Variants in RIMS2 observed in about 807,000 individuals in gnomAD.
The protein encoded by RIMS2 is regulating synaptic membrane exocytosis protein 2.
In RIMS2, 59 loss-of-function variants were observed where a neutral mutation model predicts 174.4. That is an observed-to-expected ratio of 0.34 (90% CI 0.27 to 0.42). RIMS2 has a LOEUF of 0.42. RIMS2 is among the 10% of genes least tolerant of loss of function. RIMS2 has a pLI of 1.00. For synonymous variants in RIMS2, 606 were observed against 572.5 expected (o/e 1.06, Z -0.84); for missense variants, 1,620 against 1,666.3 (o/e 0.97, Z 0.48).
In RIMS2 at chr8:104,117,679, G is replaced by T. The variant is rs539167547; in HGVS notation, c.3334+103064G>T. 9.9e-5 allele frequency among the ~76,000 whole-genome samples: 15 copies of T among 152,240 alleles called. No homozygotes were observed. The South Asian group carries it at 3.1e-3, about 32-fold the overall frequency. ...TTAAAATTTTCCAGGGAATGTAATT[G>T]TGGGCAAAATAATCTTTACATTTTC... On this transcript the variant is annotated intron_variant, in intron 19 of 23. Transcript: ENST00000504942.
At chr8:104,186,405 A>C (rs1043638433) in intron 19 of RIMS2, among the ~76,000 whole-genome samples, 1 of 151,820 alleles carries the variant, frequency 6.6e-6, no homozygotes, top group Non-Finnish European at 1.5e-5. Flanking sequence ...GATGTAATAA[A>C]CATCTAAAGC....
At chr8:103,679,081 A>G (rs1176711053) in intron 1 of RIMS2, among the ~76,000 whole-genome samples, 2 of 152,078 alleles carry the variant, frequency 1.3e-5, no homozygotes, top group Non-Finnish European at 2.9e-5. Flanking sequence ...TCATTTTACA[A>G]ATGGTAAGTT....
At chr8:103,716,951 G>A (rs1202638679) in intron 2 of RIMS2, among the ~76,000 whole-genome samples, 1 of 151,928 alleles carries the variant, frequency 6.6e-6, no homozygotes, top group Non-Finnish European at 1.5e-5. Context: ...GCCCTTAGTG[G>A]TCTAATTTGA....
intron 20 of RIMS2, among the ~76,000 whole-genome samples, chr8:104,247,356 C>T (rs1026712772): frequency 6.6e-6 from 1 of 152,156 alleles, no homozygotes; most frequent in Admixed American, 6.5e-5. Flanking sequence ...CAGATGGCCA[C>T]CTTCTTGTGA....
intron 3 of RIMS2, among the ~76,000 whole-genome samples, chr8:103,810,059 C>T (rs965910731): frequency 1.3e-5 from 2 of 152,166 alleles, no homozygotes; most frequent in Non-Finnish European, 2.9e-5. Context: ...CTTATGTCCT[C>T]TTCTTGAATA....
intron 19 of RIMS2, among the ~76,000 whole-genome samples, chr8:104,095,518 A>G (rs930772142): frequency 2.0e-5 from 3 of 152,176 alleles, no homozygotes; most frequent in African/African-American, 7.2e-5. Context: ...TTTAATTTTC[A>G]TAGCACAAGT....
chr8:103,831,951 C>T (rs1311242598), intron 3 of RIMS2, among the ~76,000 whole-genome samples: 1 of 152,228 alleles, frequency 6.6e-6, no homozygotes, highest in Non-Finnish European at 1.5e-5. Flanking sequence ...CTGTTTTTGT[C>T]TCATGGGTCT....
chr8:103,578,247 C>T (rs544035900), intron 1 of RIMS2, among the ~76,000 whole-genome samples: 9 of 152,222 alleles, frequency 5.9e-5, no homozygotes, highest in East Asian at 3.9e-4. Flanking sequence ...ACTAACATAT[C>T]GGCCAGGCAT....
At chr8:104,127,751 A>C (rs193022263) in intron 19 of RIMS2, among the ~76,000 whole-genome samples, 44 of 152,376 alleles carry the variant, frequency 2.9e-4, no homozygotes, top group African/African-American at 1.0e-3. Flanking sequence ...ACAATAAAAA[A>C]GAAATAGAAA....
At chr8:103,615,320 T>C (rs559662385) in intron 1 of RIMS2, among the ~76,000 whole-genome samples, 1 of 152,160 alleles carries the variant, frequency 6.6e-6, no homozygotes, top group Non-Finnish European at 1.5e-5. Context: ...AGGAAGTTCT[T>C]TGAAAATAAT....
intron 15 of RIMS2, among the ~76,000 whole-genome samples, chr8:103,967,899 G>A (rs1219099075): frequency 1.4e-5 from 2 of 139,788 alleles, no homozygotes; most frequent in East Asian, 4.2e-4. Flanking sequence ...TGTCACCTAG[G>A]CCCCAGGCTG....
At chr8:103,977,281 A>C (rs2093529614) in intron 16 of RIMS2, 1 of 152,224 alleles carries the variant, frequency 6.6e-6, no homozygotes, top group South Asian at 2.1e-4. Flanking sequence ...ATGTTGAATT[A>C]ACAAAGTTTA....
intron 3 of RIMS2, among the ~76,000 whole-genome samples, chr8:103,802,638 A>T (rs1417546424): frequency 6.6e-6 from 1 of 152,182 alleles, no homozygotes; most frequent in African/African-American, 2.4e-5. Flanking sequence ...TTTGAAATAA[A>T]TTTCTTCTTT....
At position 103,921,652 on chromosome 8, in the gene RIMS2, A is replaced by G. The variant is rs2077689633; in HGVS notation, c.2084-20A>G. 4 of 895,724 alleles carry G rather than the reference A, an allele frequency of 4.5e-6. No individual in the cohort carries two copies. The highest frequency in any genetic ancestry group is 1.6e-5 in the African/African-American group (1 of 61,270). The allele number at this position is 895,724 out of a possible 1,614,324, so 55.5% of individuals were successfully genotyped here. ...TGAAGAGCCATTGTTATTATTCGTT[A>G]TGTGTAATTATCGTTTCAGGTTCTA... is the stretch of plus-strand genomic sequence containing the variant. On this transcript the variant is annotated intron_variant, in intron 9 of 23. Coordinates refer to ENST00000504942, the Ensembl canonical transcript of RIMS2.
At chr8:103,899,357 A>G (rs1004021821) in intron 4 of RIMS2, among the ~76,000 whole-genome samples, 2 of 151,598 alleles carry the variant, frequency 1.3e-5, no homozygotes, top group African/African-American at 2.4e-5. Context: ...AAGTGTCCCT[A>G]TTTCTCCACA....
intron 19 of RIMS2, among the ~76,000 whole-genome samples, chr8:104,236,587 C>T (rs1440983270): frequency 1.3e-5 from 2 of 151,966 alleles, no homozygotes; most frequent in Non-Finnish European, 2.9e-5. Context: ...ACATTTTCTA[C>T]TTTTCTATAG....
chr8:103,956,487 A>T (rs2087265559), intron 14 of RIMS2, among the ~76,000 whole-genome samples: 1 of 152,196 alleles, frequency 6.6e-6, no homozygotes. Context: ...CCTGACAAAA[A>T]CAAGCAATGG....
intron 1 of RIMS2, among the ~76,000 whole-genome samples, chr8:103,567,166 C>G (rs76299147): frequency 2.0e-5 from 3 of 152,128 alleles, no homozygotes; most frequent in African/African-American, 7.2e-5. Flanking sequence ...TACTTTACTT[C>G]TTTTTTTATT....
chr8:103,844,219 C>A (rs970627460), intron 3 of RIMS2, among the ~76,000 whole-genome samples: 1 of 152,186 alleles, frequency 6.6e-6, no homozygotes, highest in Non-Finnish European at 1.5e-5. Flanking sequence ...TGGACTAATA[C>A]ATTTTCCTTT....
Sources: allele counts gnomAD v4.1 joint callset (sites outside exome capture counted in the v4.1 genomes callset), GRCh38; gene constraint gnomAD v4.1.1; transcripts MANE v1.5; gene names NCBI Gene and HGNC (gene_info 2026-07-23, HGNC 2026-07-21).